NCAPD3: variants seen among roughly 807,000 people sequenced by gnomAD.
NCAPD3 encodes non-SMC condensin II complex subunit D3.
A neutral mutation model predicts 182.9 loss-of-function variants in NCAPD3; 105 were observed. The observed-to-expected ratio is 0.57, with a 90% CI of 0.49 to 0.68. NCAPD3 has a LOEUF of 0.68. Ranked by LOEUF, NCAPD3 falls within the 30% of genes least tolerant of loss-of-function variation. NCAPD3 has a pLI of 0.00. For synonymous variants in NCAPD3, 815 were observed against 679.9 expected, an observed-to-expected ratio of 1.20 and a Z score of -3.09; for missense variants, 1,944 against 1,837.0, an observed-to-expected ratio of 1.06 and a Z score of -1.07.
Position 134,168,045 on chromosome 11 carries a change from G to A in NCAPD3, c.3524C>T (p.Ala1175Val), listed in dbSNP as rs376124629. 2.4e-5 allele frequency: 39 copies of A among 1,614,000 alleles called. No homozygotes were observed. The highest frequency in any genetic ancestry group is 2.8e-5 in the Non-Finnish European group (33 of 1,180,000). ...KDLLMEEDDM[A>V]LANVVMQEAQ... is the part of the protein sequence containing the mutation. Reference sequence around the variant, plus strand: ...TTCCTGCATGACTACATTTGCCAAGGCCATGTCATCTTCTTCCATAAGGAG... The same window carrying A: ...TTCCTGCATGACTACATTTGCCAAGACCATGTCATCTTCTTCCATAAGGAG... Residue 1175 changes from alanine to valine, a missense_variant, in exon 27 of 35, where the codon GCC (alanine) becomes GTC (valine). Transcript: ENST00000534548.
At chr11:134,221,467 T>C (rs1295957897) in intron 1 of NCAPD3, among the ~76,000 whole-genome samples, 1 of 152,164 alleles carries the variant, frequency 6.6e-6, no homozygotes, top group Non-Finnish European at 1.5e-5. Context: ...GGTGGTTTGC[T>C]GTACCCATCA....
rs1317434816 is a variant in NCAPD3, at chr11:134,223,938, A to T, written c.-12T>A. The T allele has an allele frequency of 6.2e-7, 1 of 1,610,890 alleles. No individual in the cohort carries two copies. The highest frequency in any genetic ancestry group is 1.7e-5 in the Admixed American group (1 of 59,884). On this transcript the variant is annotated 5_prime_UTR_variant, in exon 1 of 35. Transcript: ENST00000534548. The stretch of plus-strand genomic sequence containing the variant: ...CGCAACGCCACCATGATCCCAGGGC[A>T]CCGGCTCGCCGCCGCCGTGCTCAAC...
At chr11:134,160,845 C>A (rs539327772) in intron 28 of NCAPD3, among the ~76,000 whole-genome samples, 3 of 152,034 alleles carry the variant, frequency 2.0e-5, no homozygotes, top group Non-Finnish European at 4.4e-5. Context: ...CTACTGACAA[C>A]AAGCAACGTG....
At position 134,209,406 on chromosome 11, in the gene NCAPD3, T is replaced by G; in HGVS notation, c.639A>C (p.Arg213=). 6.2e-7 allele frequency: 1 copy of G among 1,613,986 alleles called. No homozygotes were observed. The highest frequency in any genetic ancestry group is 8.5e-7 in the Non-Finnish European group (1 of 1,179,922). ...TCTTTAAAAGGTGAAAGATGGCATT[T>G]CGAATTTGAGAAAGGTCCCGGGCAG... is the stretch of plus-strand genomic sequence containing the variant. ...CFSARDLSQI[R]NAIFHLLKNF... is the part of the protein sequence containing the mutation. Residue 213 remains arginine, a synonymous_variant, in exon 5 of 35, where the codon CGA becomes CGC. Coordinates refer to ENST00000534548, the MANE Select transcript of NCAPD3 (RefSeq NM_015261.3).
chr11:134,198,483 AC>A (rs1944682766), intron 13 of NCAPD3, among the ~76,000 whole-genome samples: 1 of 152,108 alleles, frequency 6.6e-6, no homozygotes, highest in Non-Finnish European at 1.5e-5. Flanking sequence ...ACCAAGCTGC[AC>A]CCAACCACCT....
chr11:134,198,659 T>C (rs1175477662), intron 13 of NCAPD3, among the ~76,000 whole-genome samples: 1 of 152,184 alleles, frequency 6.6e-6, no homozygotes, highest in South Asian at 2.1e-4. Context: ...GAGGAAGAAG[T>C]AGAACTACCT....
chr11:134,220,204 T>C (rs1207855223), intron 2 of NCAPD3, among the ~76,000 whole-genome samples: 1 of 151,770 alleles, frequency 6.6e-6, no homozygotes, highest in East Asian at 1.9e-4. Flanking sequence ...TTTTTCCTTC[T>C]GAGATGGGGT....
At position 134,192,743 on chromosome 11, in the gene NCAPD3, T is replaced by C. The variant is rs1206573855; in HGVS notation, c.1991A>G (p.Gln664Arg). The C allele has an allele frequency of 1.9e-6, 3 of 1,614,262 alleles. No individual in the cohort carries two copies. ...HSHFHSGDDSQVLAWALLTLL... is the reference protein window; with the variant it reads ...HSHFHSGDDSRVLAWALLTLL... ...AGTAAGAAGCGCCCAGGCGAGGACC[T>C]GGCTGTCGTCCCCAGAGTGAAAATG... Residue 664 changes from glutamine (Q) to arginine (R), a missense_variant, in exon 16 of 35, where the codon CAG becomes CGG. Coordinates refer to ENST00000534548, the MANE Select transcript of NCAPD3 (RefSeq NM_015261.3).
chr11:134,174,382 C>CA (rs34533048), intron 24 of NCAPD3, among the ~76,000 whole-genome samples: 17,118 of 53,246 alleles, frequency 0.32, 3,132 homozygotes, highest in African/African-American at 0.47. Context: ...GACCCTGTCT[C>CA]AAAAAAAAAA....
chr11:134,208,775 T>A, intron 7 of NCAPD3, 89 bp downstream of exon 7: 1 of 823,408 alleles, frequency 1.2e-6, no homozygotes, highest in South Asian at 1.6e-5. Context: ...GAAATGGCAT[T>A]ATATCAAATG....
At position 134,203,178 on chromosome 11, in the gene NCAPD3, C is replaced by T; in HGVS notation, c.1489G>A (p.Glu497Lys). 1 of 1,598,648 alleles carries T rather than the reference C, an allele frequency of 6.3e-7. No homozygotes were observed. The highest frequency in any genetic ancestry group is 8.6e-7 in the Non-Finnish European group (1 of 1,166,090). ...CTCAGTAAGGTACCAGGGTGACTCT[C>T]TATTACAGAAAACGTAGGACCTAAA... ...LINSPTFSVIESHPGTLLRNS... is the reference protein window; with the variant it reads ...LINSPTFSVIKSHPGTLLRNS... Residue 497 changes from glutamate to lysine, a missense_variant, in exon 12 of 35, where the codon GAG becomes AAG. Coordinates refer to ENST00000534548, the MANE Select transcript of NCAPD3 (RefSeq NM_015261.3).
At chr11:134,215,283 G>A (rs552539349) in intron 3 of NCAPD3, among the ~76,000 whole-genome samples, 2 of 152,192 alleles carry the variant, frequency 1.3e-5, no homozygotes, top group African/African-American at 2.4e-5. Context: ...GGATCCCCAC[G>A]CTCCCCTTCT....
chr11:134,187,750 A>C (rs1944440249), intron 16 of NCAPD3, among the ~76,000 whole-genome samples: 1 of 152,152 alleles, frequency 6.6e-6, no homozygotes, highest in Non-Finnish European at 1.5e-5. Context: ...CTCCCTTTCC[A>C]CTAAAATTGT....
chr11:134,180,215 A>G (rs754760937), intron 20 of NCAPD3, among the ~76,000 whole-genome samples: 1 of 152,132 alleles, frequency 6.6e-6, no homozygotes, highest in Non-Finnish European at 1.5e-5. Context: ...TCACGTGCAC[A>G]GTAGTGCCTC....
intron 3 of NCAPD3, among the ~76,000 whole-genome samples, chr11:134,214,519 A>G (rs1937949185): frequency 6.6e-6 from 1 of 152,234 alleles, no homozygotes; most frequent in African/African-American, 2.4e-5. Flanking sequence ...ATAAGAGCAA[A>G]TTAAACCCAA....
intron 29 of NCAPD3, among the ~76,000 whole-genome samples, chr11:134,159,442 A>G (rs1273172470): frequency 2.0e-5 from 3 of 152,248 alleles, no homozygotes; most frequent in Admixed American, 2.0e-4. Context: ...TGCCACTTGT[A>G]GATGCTGTGG....
chr11:134,212,306 G>C (rs1937862241), intron 3 of NCAPD3, among the ~76,000 whole-genome samples: 1 of 151,946 alleles, frequency 6.6e-6, no homozygotes, highest in Non-Finnish European at 1.5e-5. Context: ...ATGAAATGTA[G>C]GCTTTATAAC....
intron 32 of NCAPD3, 64 bp from the exon 33 acceptor site, chr11:134,153,427 T>C (rs1943320839): frequency 2.6e-6 from 4 of 1,536,314 alleles, no homozygotes; most frequent in Non-Finnish European, 2.7e-6. Context: ...TCTGTTCTAG[T>C]TGTCCGTGGG....
At chr11:134,200,462 T>G (rs1210004853) in intron 13 of NCAPD3, among the ~76,000 whole-genome samples, 1 of 152,138 alleles carries the variant, frequency 6.6e-6, no homozygotes, top group South Asian at 2.1e-4. Context: ...ATATGGCCAA[T>G]AAGCCTATGA....
Sources: allele counts gnomAD v4.1 joint callset (sites outside exome capture counted in the v4.1 genomes callset), GRCh38; gene constraint gnomAD v4.1.1; transcripts MANE v1.5; gene names NCBI Gene and HGNC (gene_info 2026-07-23, HGNC 2026-07-21).